Variants in TUT4 observed in about 807,000 individuals in gnomAD.
TUT4 encodes terminal uridylyltransferase 4.
A neutral mutation model predicts 192.2 loss-of-function variants in TUT4; 36 were observed. That is an observed-to-expected ratio of 0.19 (90% CI 0.14 to 0.25). The LOEUF (loss-of-function observed/expected upper bound fraction) is 0.25, where lower values mean the gene tolerates loss of function less well. Ranked by LOEUF, TUT4 falls within the 10% of genes least tolerant of loss-of-function variation. TUT4 has a pLI of 1.00. For missense variants in TUT4, 1,493 were observed against 1,957.2 expected (o/e 0.76, Z 4.47); for synonymous variants, 618 against 666.0 (o/e 0.93, Z 1.11).
intron 20 of TUT4, among the ~76,000 whole-genome samples, chr1:52,454,131 G>A (rs1660204136): frequency 6.6e-6 from 1 of 152,214 alleles, no homozygotes; most frequent in African/African-American, 2.4e-5. Context: ...ACTCAAAATT[G>A]TCAAGATGTC....
intron 26 of TUT4, 76 bp from the exon 27 acceptor site, chr1:52,435,541 T>C (rs1653479635): frequency 8.9e-7 from 1 of 1,118,026 alleles, no homozygotes. Context: ...AACTCCCTTC[T>C]TATGTAAAAG....
In TUT4 at chr1:52,475,475, T is replaced by C; in HGVS notation, c.2084A>G (p.Tyr695Cys). The change falls in exon 13 of 30, where the codon TAT (tyrosine) becomes TGT (cysteine). Residue 695 changes from tyrosine to cysteine, a missense_variant. Transcript: ENST00000257177. Reference protein sequence around the residue: ...RSLNSQLVYEYVVERFRAAYR... With the variant: ...RSLNSQLVYECVVERFRAAYR... ...AGCTGCCCTAAATCTCTCCACAACA[T>C]ATTCGTAAACCAGCTGGCTGTTTAA... 1 of 1,614,086 alleles carries C rather than the reference T, an allele frequency of 6.2e-7. No homozygotes were observed. The highest frequency in any genetic ancestry group is 8.5e-7 in the Non-Finnish European group (1 of 1,180,036).
At chr1:52,436,214 G>A (rs1460444666) in intron 26 of TUT4, among the ~76,000 whole-genome samples, 1 of 152,090 alleles carries the variant, frequency 6.6e-6, no homozygotes, top group East Asian at 1.9e-4. Context: ...GGCTGGGCAC[G>A]GTGGCTCACG....
At chr1:52,548,381 C>G (rs1426289143) in intron 1 of TUT4, among the ~76,000 whole-genome samples, 1 of 152,094 alleles carries the variant, frequency 6.6e-6, no homozygotes, top group African/African-American at 2.4e-5. Flanking sequence ...TGCATATTTG[C>G]AAAATATTTT....
chr1:52,451,774 C>T (rs1389657902), intron 20 of TUT4, among the ~76,000 whole-genome samples: 2 of 149,436 alleles, frequency 1.3e-5, no homozygotes, highest in Non-Finnish European at 3.0e-5. Context: ...ACCCAGGAGG[C>T]GGAGATTGCA....
intron 1 of TUT4, among the ~76,000 whole-genome samples, chr1:52,550,354 C>A (rs1689096785): frequency 6.6e-6 from 1 of 151,984 alleles, no homozygotes; most frequent in South Asian, 2.1e-4. Context: ...GTATTTCTAT[C>A]CTACTGCAGT....
intron 1 of TUT4, among the ~76,000 whole-genome samples, chr1:52,546,506 T>C (rs1481230062): frequency 2.0e-5 from 3 of 152,126 alleles, no homozygotes; most frequent in Non-Finnish European, 2.9e-5. Context: ...AAAGACAGAA[T>C]AGTGGTTGTC....
At chr1:52,540,556 A>G (rs1046019462) in intron 1 of TUT4, among the ~76,000 whole-genome samples, 1 of 151,970 alleles carries the variant, frequency 6.6e-6, no homozygotes, top group Non-Finnish European at 1.5e-5. Flanking sequence ...AAAGACAAAC[A>G]CTACCTGTCT....
At chr1:52,483,853 T>C (rs948847231) in intron 9 of TUT4, among the ~76,000 whole-genome samples, 3 of 152,116 alleles carry the variant, frequency 2.0e-5, no homozygotes, top group African/African-American at 7.2e-5. Context: ...ATTTATTTAT[T>C]GCAAGGTGTG....
chr1:52,438,838 G>C (rs1465485031), intron 24 of TUT4, among the ~76,000 whole-genome samples: 2 of 152,196 alleles, frequency 1.3e-5, no homozygotes, highest in Non-Finnish European at 1.5e-5. Context: ...GGGAGGCTGA[G>C]GCAGGGGGAT....
rs139301602 is a variant in TUT4, at chr1:52,446,195, T to A, written c.3691+70A>T. On this transcript the variant is annotated intron_variant, in intron 22 of 29. Transcript: ENST00000257177. ...AAGAATCTTCCAAATCCTAATGTATTTCAGTTTTCCCCTCAATTTCGTTGA... is the reference window on the plus strand; with the variant it reads ...AAGAATCTTCCAAATCCTAATGTATATCAGTTTTCCCCTCAATTTCGTTGA... 1.9e-3 allele frequency: 2,753 copies of A among 1,461,106 alleles called. 3 individuals are homozygous for A. The highest frequency in any genetic ancestry group is 0.015 in the Middle Eastern group (81 of 5,560). 90.5% of individuals were successfully genotyped at this position (1,461,106 alleles called of 1,614,324 possible). A position where few individuals can be genotyped will look rare whatever the true frequency, so the allele number is the denominator to read the frequency against.
rs1178428704 is a variant in TUT4, at chr1:52,528,865, C to T, written c.-93-2492G>A. 3.3e-5 allele frequency among the ~76,000 whole-genome samples: 5 copies of T among 152,074 alleles called. No individual in the cohort carries two copies. The East Asian group carries it at 9.6e-4, about 29-fold the overall frequency. On this transcript the variant is annotated intron_variant, in intron 1 of 29. Coordinates refer to ENST00000257177, the MANE Select transcript of TUT4 (RefSeq NM_001009881.3). ...AAGCAACTAAGAACACAGGCGCACA[C>T]CACCACACCTGGCTAATTTTTTTTT...
intron 15 of TUT4, among the ~76,000 whole-genome samples, chr1:52,465,557 C>T (rs1258432275): frequency 1.3e-5 from 2 of 152,228 alleles, no homozygotes; most frequent in African/African-American, 4.8e-5. Flanking sequence ...CACATCCAAA[C>T]AATCATTGAG....
chr1:52,495,841 A>G (rs1285951326), intron 5 of TUT4, among the ~76,000 whole-genome samples: 1 of 152,152 alleles, frequency 6.6e-6, no homozygotes, highest in East Asian at 1.9e-4. Context: ...CAACTTAGCT[A>G]TGGCTACTGT....
At chr1:52,496,894 TCTA>T in intron 5 of TUT4, 109 bp downstream of exon 5, 2 of 1,035,422 alleles carry the variant, frequency 1.9e-6, no homozygotes, top group Non-Finnish European at 2.7e-6. Flanking sequence ...ATAAATTTTA[TCTA>T]CTTTTAAGGA....
At chr1:52,429,115 G>C in intron 28 of TUT4, among the ~76,000 whole-genome samples, 1 of 130,526 alleles carries the variant, frequency 7.7e-6, no homozygotes. Flanking sequence ...ATGGAGTCTC[G>C]CTCTGTCGCC....
At position 52,423,900 on chromosome 1, in the gene TUT4, C is replaced by A. The variant is rs764575831; in HGVS notation, c.*35G>T. 1.2e-6 allele frequency: 2 copies of A among 1,606,694 alleles called. No individual in the cohort carries two copies. The highest frequency in any genetic ancestry group is 1.7e-6 in the Non-Finnish European group (2 of 1,176,670). Reference sequence around the variant, plus strand: ...ACAGCAGGATTGGCTGGTTGCTGTGCATCGGTAGACCAGCTGAAAGAAAAT... The same window carrying A: ...ACAGCAGGATTGGCTGGTTGCTGTGAATCGGTAGACCAGCTGAAAGAAAAT... On this transcript the variant is annotated 3_prime_UTR_variant, in exon 30 of 30. Transcript: ENST00000257177.
intron 8 of TUT4, among the ~76,000 whole-genome samples, chr1:52,489,465 T>A (rs1282289866): frequency 1.3e-5 from 2 of 152,260 alleles, no homozygotes; most frequent in East Asian, 1.9e-4. Context: ...CTTAACTGAC[T>A]GGCTATACTT....
intron 1 of TUT4, among the ~76,000 whole-genome samples, chr1:52,532,471 T>A (rs553561338): frequency 6.6e-6 from 1 of 151,824 alleles, no homozygotes; most frequent in African/African-American, 2.4e-5. Flanking sequence ...CGACCACACC[T>A]GGCAATTTTT....
Sources: allele counts gnomAD v4.1 joint callset (sites outside exome capture counted in the v4.1 genomes callset), GRCh38; gene constraint gnomAD v4.1.1; transcripts MANE v1.5; gene names NCBI Gene and HGNC (gene_info 2026-07-23, HGNC 2026-07-21).